The following ZNG1A variants were observed in gnomAD, a reference collection of about 807,000 sequenced individuals.
ZNG1A encodes Zn regulated GTPase metalloprotein activator 1A, also known as zinc-regulated GTPase metalloprotein activator 1A.
the ZNG1A span, among the ~76,000 whole-genome samples, chr9:169,726 CTA>C: frequency 1.3e-5 from 2 of 148,202 alleles, no homozygotes; most frequent in South Asian, 4.3e-4. Flanking sequence ...AGCAAAAAGA[CTA>C]TGACTTGCTG....
chr9:140,093 C>G, the ZNG1A span, among the ~76,000 whole-genome samples: 5 of 150,798 alleles, frequency 3.3e-5, no homozygotes, highest in South Asian at 1.1e-3. Flanking sequence ...GGGAGGGGCG[C>G]TGGCCATTGC....
At chr9:159,498 T>G in the ZNG1A span, among the ~76,000 whole-genome samples, 1 of 152,246 alleles carries the variant, frequency 6.6e-6, no homozygotes, top group African/African-American at 2.4e-5. Flanking sequence ...TCGATTGTTT[T>G]ATAATGTAAT....
At chr9:140,711 GAGA>G in the ZNG1A span, among the ~76,000 whole-genome samples, 7 of 152,238 alleles carry the variant, frequency 4.6e-5, no homozygotes, top group African/African-American at 7.2e-5. Flanking sequence ...GACGAGCTGA[GAGA>G]AGAAGGCTTC....
At chr9:167,245 T>C in the ZNG1A span, 725 of 150,770 alleles carry the variant, frequency 4.8e-3, 4 homozygotes, top group African/African-American at 0.016. Flanking sequence ...ACGAAAGCAA[T>C]AGACAGACAT....
the ZNG1A span, among the ~76,000 whole-genome samples, chr9:169,304 G>A: frequency 1.4e-5 from 2 of 147,066 alleles, no homozygotes; most frequent in African/African-American, 2.6e-5. Flanking sequence ...AATTAGAAGG[G>A]GAGTCTGAAG....
chr9:178,163 C>T, the ZNG1A span, among the ~76,000 whole-genome samples: 1 of 150,968 alleles, frequency 6.6e-6, no homozygotes, highest in East Asian at 2.0e-4. Context: ...AACCGCCCTT[C>T]ACGAAACTAC....
chr9:122,234 A>C, the ZNG1A span: 2 of 1,406,680 alleles, frequency 1.4e-6, no homozygotes, highest in Non-Finnish European at 9.4e-7. Context: ...CTTAATTCCA[A>C]TTATTTGTGA....
the ZNG1A span, chr9:146,025 T>C: frequency 7.9e-7 from 1 of 1,266,254 alleles, no homozygotes; most frequent in Non-Finnish European, 1.1e-6. Flanking sequence ...ATGGATGCAA[T>C]TGTGCACATC....
the ZNG1A span, among the ~76,000 whole-genome samples, chr9:171,336 CA>C: frequency 2.7e-4 from 39 of 142,536 alleles, no homozygotes; most frequent in East Asian, 1.4e-3. Flanking sequence ...AGACCCAGAT[CA>C]AAAAAAAAAA....
chr9:174,042 G>T, the ZNG1A span, among the ~76,000 whole-genome samples: 1 of 151,596 alleles, frequency 6.6e-6, no homozygotes, highest in Non-Finnish European at 1.5e-5. Context: ...AGCTACTCAG[G>T]CGGCTGAGGC....
the ZNG1A span, chr9:161,581 T>C: frequency 7.8e-7 from 1 of 1,286,494 alleles, no homozygotes; most frequent in Non-Finnish European, 1.0e-6. Context: ...TTGGGCCCTA[T>C]CCATATGCTC....
chr9:155,706 G>T, the ZNG1A span, among the ~76,000 whole-genome samples: 11 of 151,980 alleles, frequency 7.2e-5, no homozygotes, highest in Non-Finnish European at 1.2e-4. Context: ...GAAAGAGCAG[G>T]TTTCAACAGT....
At chr9:174,850 T>C in the ZNG1A span, among the ~76,000 whole-genome samples, 1 of 150,838 alleles carries the variant, frequency 6.6e-6, no homozygotes, top group African/African-American at 2.5e-5. Context: ...AGAGCTATTT[T>C]TTTGACTACA....
chr9:163,143 T>C, the ZNG1A span, among the ~76,000 whole-genome samples: 2 of 152,044 alleles, frequency 1.3e-5, no homozygotes, highest in African/African-American at 2.4e-5. Context: ...TTAATGATTA[T>C]TACTTTTGAA....
chr9:140,028 G>A, the ZNG1A span, among the ~76,000 whole-genome samples: 6 of 150,478 alleles, frequency 4.0e-5, no homozygotes, highest in African/African-American at 1.2e-4. Context: ...ACAGAGTCTC[G>A]CTGATTGCTA....
At chr9:176,008 G>A in the ZNG1A span, among the ~76,000 whole-genome samples, 37 of 150,158 alleles carry the variant, frequency 2.5e-4, 2 homozygotes, top group African/African-American at 6.7e-4. Context: ...ACTCCTACAA[G>A]TTGAAACAGC....
the ZNG1A span, among the ~76,000 whole-genome samples, chr9:159,045 G>A: frequency 3.3e-5 from 5 of 150,930 alleles, no homozygotes; most frequent in Admixed American, 2.6e-4. Context: ...AAAACAAAAT[G>A]GAAATTTTGG....
At chr9:141,279 G>A in the ZNG1A span, among the ~76,000 whole-genome samples, 3 of 123,316 alleles carry the variant, frequency 2.4e-5, no homozygotes, top group Non-Finnish European at 4.9e-5. Flanking sequence ...AAATGTTAAG[G>A]GCAGCCAGAG....
At chr9:126,679 A>AT in the ZNG1A span, among the ~76,000 whole-genome samples, 300 of 150,108 alleles carry the variant, frequency 2.0e-3, 1 homozygote, top group African/African-American at 6.1e-3. Context: ...TATCTTTTGG[A>AT]TTTTTTTTGT....
Sources: allele counts gnomAD v4.1 joint callset (sites outside exome capture counted in the v4.1 genomes callset), GRCh38; gene constraint gnomAD v4.1.1; transcripts MANE v1.5; gene names NCBI Gene and HGNC (gene_info 2026-07-23, HGNC 2026-07-21).